EBAG9: variants seen among roughly 807,000 people sequenced by gnomAD.
EBAG9 encodes the protein estrogen receptor binding site associated antigen 9, also known as receptor-binding cancer antigen expressed on SiSo cells.
EBAG9 carries 16 observed loss-of-function variants against 30.9 expected under a neutral mutation model. The ratio of observed to expected loss-of-function variants is 0.52; its 90% CI spans 0.35 to 0.79. The LOEUF is 0.79. EBAG9 is among the 30% of genes least tolerant of loss of function. The pLI is 0.01. For synonymous variants in EBAG9, 93 were observed against 82.8 expected (o/e 1.12, Z -0.67); for missense variants, 197 against 242.1 (o/e 0.81, Z 1.24).
chr8:109,557,778 T>C (rs1456091718), intron 5 of EBAG9: 1 of 440,266 alleles, frequency 2.3e-6, no homozygotes, highest in South Asian at 1.6e-5. Context: ...TTGATTGTGG[T>C]CGAAGGATTC....
chr8:109,559,283 C>A (rs1023527929), intron 5 of EBAG9, among the ~76,000 whole-genome samples: 10 of 151,952 alleles, frequency 6.6e-5, no homozygotes, highest in African/African-American at 2.4e-4. Flanking sequence ...ATGGCGAAAT[C>A]CCCCCTCTAC....
intron 5 of EBAG9, among the ~76,000 whole-genome samples, chr8:109,559,282 TC>T (rs1000151421): frequency 1.3e-5 from 2 of 151,678 alleles, no homozygotes; most frequent in African/African-American, 4.8e-5. Context: ...CATGGCGAAA[TC>T]CCCCCTCTAC....
At chr8:109,563,303 C>A in intron 6 of EBAG9, 1 of 1,410,218 alleles carries the variant, frequency 7.1e-7, no homozygotes, top group Non-Finnish European at 9.6e-7. Flanking sequence ...CTGCATATAA[C>A]CTAATGTTGC....
intron 5 of EBAG9, among the ~76,000 whole-genome samples, chr8:109,560,189 A>G (rs1247943522): frequency 6.6e-6 from 1 of 152,196 alleles, no homozygotes; most frequent in Non-Finnish European, 1.5e-5. Flanking sequence ...GTGAACTTTT[A>G]GAGGTCTGGC....
At chr8:109,554,023 C>A in intron 3 of EBAG9, 80 bp downstream of exon 3, 2 of 1,019,632 alleles carry the variant, frequency 2.0e-6, no homozygotes, top group Non-Finnish European at 2.8e-6. Context: ...ATTTTAAAAA[C>A]TGGATTGCAG....
intron 4 of EBAG9, among the ~76,000 whole-genome samples, chr8:109,555,239 T>C (rs552291400): frequency 6.6e-6 from 1 of 152,122 alleles, no homozygotes; most frequent in East Asian, 1.9e-4. Context: ...CAGTGTTTGG[T>C]TTTTTGTCCT....
chr8:109,559,723 G>C (rs1821674052), intron 5 of EBAG9, among the ~76,000 whole-genome samples: 1 of 152,020 alleles, frequency 6.6e-6, no homozygotes, highest in South Asian at 2.1e-4. Context: ...GCCGAGGTGG[G>C]AGGATCCCTT....
intron 1 of EBAG9, among the ~76,000 whole-genome samples, chr8:109,542,587 T>C (rs1310430463): frequency 6.6e-6 from 1 of 152,228 alleles, no homozygotes; most frequent in Non-Finnish European, 1.5e-5. Context: ...TTTTTTCTTA[T>C]AATTTTTCAG....
At chr8:109,560,753 A>G in intron 5 of EBAG9, 85 bp from the exon 6 acceptor site, 1 of 878,662 alleles carries the variant, frequency 1.1e-6, no homozygotes, top group Non-Finnish European at 1.8e-6. Flanking sequence ...GTTCTGAGTT[A>G]TGTGTTAAAA....
chr8:109,554,948 T>C, intron 4 of EBAG9, 61 bp downstream of exon 4: 1 of 1,498,782 alleles, frequency 6.7e-7, no homozygotes, highest in Non-Finnish European at 9.1e-7. Flanking sequence ...TAGTTAAAAT[T>C]AGGTGATACA....
intron 5 of EBAG9, among the ~76,000 whole-genome samples, chr8:109,558,818 G>T (rs557571894): frequency 6.6e-6 from 1 of 151,992 alleles, no homozygotes; most frequent in Non-Finnish European, 1.5e-5. Flanking sequence ...TTCATCATTC[G>T]TATTGTTGTG....
At chr8:109,551,914 A>C (rs1316856042) in intron 2 of EBAG9, among the ~76,000 whole-genome samples, 1 of 152,194 alleles carries the variant, frequency 6.6e-6, no homozygotes, top group Non-Finnish European at 1.5e-5. Flanking sequence ...TATTTTTTAC[A>C]ATGGCTACTA....
At position 109,565,463 on chromosome 8, in the gene EBAG9, G is replaced by A. The variant is rs141644521; in HGVS notation, c.*904G>A. ...TCTGTACTAGCTTTAGATGTCTGAC[G>A]TTATGTAGGTTACCTGTGTTCTTGG... On this transcript the variant is annotated 3_prime_UTR_variant, in exon 7 of 7. Transcript: ENST00000337573. 2.6e-5 allele frequency: 4 copies of A among 152,130 alleles called. No individual in the cohort carries two copies. The highest frequency in any genetic ancestry group is 4.2e-4 in the South Asian group (2 of 4,816). 9.4% of individuals were successfully genotyped at this position (152,130 alleles called of 1,614,324 possible).
Position 109,541,285 on chromosome 8 carries a change from C to A in EBAG9, c.-16+824C>A, listed in dbSNP as rs890455670. On this transcript the variant is annotated intron_variant, in intron 1 of 6. Coordinates refer to ENST00000337573, the MANE Select transcript of EBAG9 (RefSeq NM_004215.5). The stretch of plus-strand genomic sequence containing the variant: ...CTAAAGTGTAAAGTAGCGTAAGATA[C>A]TTATCAAATTGGTGATCTAGAGGGC... Among the ~76,000 whole-genome samples, 7 of 148,382 alleles carry A rather than the reference C, an allele frequency of 4.7e-5. No individual in the cohort carries two copies. In the South Asian group the frequency reaches 1.5e-3, roughly 31 times the overall value.
Position 109,564,510 on chromosome 8 carries a change from A to G in EBAG9, c.593A>G (p.Gln198Arg), listed in dbSNP as rs769043030. 6.2e-7 allele frequency: 1 copy of G among 1,612,866 alleles called. No homozygotes were observed. The highest frequency in any genetic ancestry group is 1.1e-5 in the South Asian group (1 of 91,038). The change falls in exon 7 of 7, where the codon CAA becomes CGA. Residue 198 changes from glutamine (Q) to arginine (R), a missense_variant. Physicochemically the swap from Gln to Arg is conservative, Grantham distance 43. Transcript: ENST00000337573. ...QQRKKMEKEA[Q>R]RLMKKEQNKI... The stretch of plus-strand genomic sequence containing the variant: ...AGGAAGAAAATGGAAAAGGAAGCAC[A>G]ACGGCTAATGAAGAAGGAACAAAAC...
At chr8:109,548,212 T>C (rs1189698662) in intron 1 of EBAG9, among the ~76,000 whole-genome samples, 1 of 152,154 alleles carries the variant, frequency 6.6e-6, no homozygotes, top group Non-Finnish European at 1.5e-5. Context: ...CATATGGATA[T>C]GGATATCCAG....
intron 1 of EBAG9, 27 bp downstream of exon 1, chr8:109,540,488 T>A (rs368610295): frequency 7.9e-5 from 12 of 152,300 alleles, no homozygotes; most frequent in African/African-American, 2.6e-4. Context: ...ATCAACAAAT[T>A]TCACGTGGGT....
intron 6 of EBAG9, 88 bp from the exon 7 acceptor site, chr8:109,564,351 T>A (rs1821772987): frequency 6.6e-7 from 1 of 1,507,428 alleles, no homozygotes; most frequent in South Asian, 1.3e-5. Context: ...TTGGTGATAA[T>A]AAAAAGGCAC....
intron 1 of EBAG9, among the ~76,000 whole-genome samples, chr8:109,545,784 G>T (rs1471203290): frequency 1.3e-5 from 2 of 152,176 alleles, no homozygotes; most frequent in Non-Finnish European, 2.9e-5. Context: ...GGCAGTATGA[G>T]TGTGATATTT....
Sources: allele counts gnomAD v4.1 joint callset (sites outside exome capture counted in the v4.1 genomes callset), GRCh38; gene constraint gnomAD v4.1.1; transcripts MANE v1.5; gene names NCBI Gene and HGNC (gene_info 2026-07-23, HGNC 2026-07-21).